Variants in ANKIB1 observed in about 807,000 individuals in gnomAD.
The protein encoded by ANKIB1 is ankyrin repeat and IBR domain containing 1, also known as ankyrin repeat and IBR domain-containing protein 1.
A neutral mutation model predicts 122.1 loss-of-function variants in ANKIB1; 43 were observed. That is an observed-to-expected ratio of 0.35 (90% CI 0.28 to 0.45). The LOEUF is 0.45. Ranked by LOEUF, ANKIB1 falls within the 20% of genes least tolerant of loss-of-function variation. The probability of loss-of-function intolerance (pLI) is 1.00; values close to 1 mark genes in which losing one functional copy is unlikely to be tolerated. For missense variants in ANKIB1, 992 were observed against 1,329.5 expected, an observed-to-expected ratio of 0.75 and a Z score of 3.95; for synonymous variants, 390 against 442.0, an observed-to-expected ratio of 0.88 and a Z score of 1.48.
intron 10 of ANKIB1, among the ~76,000 whole-genome samples, chr7:92,363,436 T>TA (rs1319306318): frequency 6.6e-6 from 1 of 151,980 alleles, no homozygotes; most frequent in South Asian, 2.1e-4. Context: ...AATCCACACT[T>TA]ACATGAGCAA....
chr7:92,333,628 A>T (rs1016546029), intron 5 of ANKIB1, among the ~76,000 whole-genome samples: 1 of 152,026 alleles, frequency 6.6e-6, no homozygotes, highest in Non-Finnish European at 1.5e-5. Flanking sequence ...TCCTTACTAG[A>T]CTGTAAGTTC....
rs1408392044 is a variant in ANKIB1 at position 92,246,420 on chromosome 7, AC to A, written c.-188del. 1 of 514,640 alleles carries A rather than the reference AC, an allele frequency of 1.9e-6. No individual in the cohort carries two copies. The allele number at this position is 514,640 out of a possible 1,614,324, so 31.9% of individuals were successfully genotyped here. On this transcript the variant is annotated 5_prime_UTR_variant, in exon 1 of 20. Transcript: ENST00000265742. ...TCCGGGTGGGTGGGGCGGGCTGGGT[AC>A]CTGAGGTCACCAGCTCGGCTGTAGA... is the stretch of plus-strand genomic sequence containing the variant.
rs1188174295 is a variant in ANKIB1, at chr7:92,291,567, C to CTTTTTTTT, written c.-90-3308_-90-3301dup. Among the ~76,000 whole-genome samples the CTTTTTTTT allele has an allele frequency of 1.6e-3, 183 of 116,480 alleles. 1 individual carries two copies. The highest frequency in any genetic ancestry group is 9.0e-3 in the East Asian group (34 of 3,782). 76.4% of individuals were successfully genotyped at this position (116,480 alleles called of 152,430 possible). A position where few individuals can be genotyped will look rare whatever the true frequency, so the allele number is the denominator to read the frequency against. On this transcript the variant is annotated intron_variant, in intron 1 of 19. Transcript: ENST00000265742. ...ATCAACAGGCTACATTTTTCTTTTT[C>CTTTTTTTT]TTTTTTTTTTTTTTTTTTTTTGAGA...
intron 11 of ANKIB1, among the ~76,000 whole-genome samples, chr7:92,377,671 C>T (rs915506906): frequency 6.6e-6 from 1 of 152,144 alleles, no homozygotes; most frequent in Non-Finnish European, 1.5e-5. Flanking sequence ...ATAATAAGGA[C>T]TATAACTTCA....
At position 92,295,037 on chromosome 7, in the gene ANKIB1, C is replaced by G; in HGVS notation, c.59C>G (p.Ala20Gly). Reference protein sequence around the residue: ...KALINGDENLACQIYENNPQL... With the variant: ...KALINGDENLGCQIYENNPQL... Reference sequence around the variant, plus strand: ...CTCATCAATGGTGATGAAAACCTGGCCTGCCAAATATATGAAAACAATCCT... The same window carrying G: ...CTCATCAATGGTGATGAAAACCTGGGCTGCCAAATATATGAAAACAATCCT... Residue 20 changes from alanine to glycine, a missense_variant, in exon 2 of 20, where the codon GCC (alanine) becomes GGC (glycine). By Grantham distance (60) the Ala-to-Gly change is moderately conservative (BLOSUM62 0). Coordinates refer to ENST00000265742, the MANE Select transcript of ANKIB1 (RefSeq NM_019004.2). 6.2e-7 allele frequency: 1 copy of G among 1,605,798 alleles called. No individual in the cohort carries two copies. Among genetic ancestry groups the G allele is most frequent in the Non-Finnish European group, 8.5e-7 (1 of 1,176,160 alleles).
chr7:92,270,022 T>G (rs1408207200), intron 1 of ANKIB1, among the ~76,000 whole-genome samples: 3 of 150,602 alleles, frequency 2.0e-5, no homozygotes, highest in Non-Finnish European at 4.4e-5. Flanking sequence ...GATCTCATTG[T>G]TCAATTCCCA....
intron 10 of ANKIB1, among the ~76,000 whole-genome samples, chr7:92,363,681 G>T (rs1804004183): frequency 6.6e-6 from 1 of 152,224 alleles, no homozygotes; most frequent in African/African-American, 2.4e-5. Context: ...GTCAGCAACT[G>T]AAGTGGCATT....
At chr7:92,258,968 T>G (rs1019560979) in intron 1 of ANKIB1, among the ~76,000 whole-genome samples, 6 of 152,010 alleles carry the variant, frequency 3.9e-5, no homozygotes, top group African/African-American at 9.7e-5. Flanking sequence ...GTTTTGTTTT[T>G]TTTGAGACAG....
chr7:92,389,315 A>T (rs969740585), intron 14 of ANKIB1, among the ~76,000 whole-genome samples: 8 of 151,920 alleles, frequency 5.3e-5, no homozygotes, highest in Admixed American at 1.3e-4. Context: ...TCTCATGCTT[A>T]ATTTCTGGTT....
intron 4 of ANKIB1, among the ~76,000 whole-genome samples, chr7:92,323,201 C>T (rs940894416): frequency 2.0e-5 from 3 of 152,022 alleles, no homozygotes; most frequent in African/African-American, 7.2e-5. Flanking sequence ...TTAAGCTGTC[C>T]GGAAAGATTA....
At chr7:92,397,928 T>C in intron 19 of ANKIB1, 69 bp downstream of exon 19, 1 of 1,533,434 alleles carries the variant, frequency 6.5e-7, no homozygotes. Context: ...TTTCCTGTTG[T>C]TACTTTCATC....
intron 1 of ANKIB1, chr7:92,294,655 G>C (rs1280839985): frequency 1.0e-5 from 4 of 386,376 alleles, no homozygotes; most frequent in African/African-American, 8.3e-5. Flanking sequence ...AGGACTGCCT[G>C]TGAAACCTTA....
chr7:92,338,972 T>TATA (rs1562786409), intron 5 of ANKIB1, among the ~76,000 whole-genome samples: 13 of 83,102 alleles, frequency 1.6e-4, no homozygotes, highest in African/African-American at 6.4e-4. Context: ...ATATATATAT[T>TATA]TATATGAATC....
chr7:92,328,961 A>G (rs1434781388), intron 5 of ANKIB1, among the ~76,000 whole-genome samples: 1 of 147,932 alleles, frequency 6.8e-6, no homozygotes, highest in African/African-American at 2.5e-5. Flanking sequence ...ATACACACAC[A>G]CAAACACACT....
intron 2 of ANKIB1, among the ~76,000 whole-genome samples, chr7:92,296,361 T>C (rs953004463): frequency 1.3e-5 from 2 of 152,158 alleles, no homozygotes; most frequent in African/African-American, 4.8e-5. Flanking sequence ...TAGCTAGGAC[T>C]ACAGGCCTCG....
chr7:92,378,511 T>C (rs1192327543), intron 11 of ANKIB1, among the ~76,000 whole-genome samples: 1 of 151,978 alleles, frequency 6.6e-6, no homozygotes, highest in African/African-American at 2.4e-5. Flanking sequence ...ACAATCATTC[T>C]TTATAAAACA....
At chr7:92,364,232 G>A (rs1025911238) in intron 10 of ANKIB1, among the ~76,000 whole-genome samples, 1 of 141,120 alleles carries the variant, frequency 7.1e-6, no homozygotes, top group African/African-American at 2.6e-5. Context: ...AGAATCGCTT[G>A]AACCCAGGAG....
At chr7:92,369,067 T>C (rs953662991) in intron 10 of ANKIB1, among the ~76,000 whole-genome samples, 1 of 152,228 alleles carries the variant, frequency 6.6e-6, no homozygotes, top group African/African-American at 2.4e-5. Context: ...GCCACTACTT[T>C]TAATAAAAAT....
intron 10 of ANKIB1, among the ~76,000 whole-genome samples, chr7:92,369,074 A>G (rs1351169605): frequency 1.3e-5 from 2 of 152,218 alleles, no homozygotes; most frequent in African/African-American, 4.8e-5. Flanking sequence ...CTTTTAATAA[A>G]AATTAAATGT....
Sources: allele counts gnomAD v4.1 joint callset (sites outside exome capture counted in the v4.1 genomes callset), GRCh38; gene constraint gnomAD v4.1.1; transcripts MANE v1.5; gene names NCBI Gene and HGNC (gene_info 2026-07-23, HGNC 2026-07-21).